TASP1: variants seen among roughly 807,000 people sequenced by gnomAD.
The protein encoded by TASP1 is threonine aspartase 1.
A neutral mutation model predicts 56.6 loss-of-function variants in TASP1; 16 were observed. That is an observed-to-expected ratio of 0.28 (90% CI 0.19 to 0.43). The LOEUF is 0.43. TASP1 is among the 20% of genes least tolerant of loss of function. The pLI, the probability that TASP1 is intolerant of heterozygous loss-of-function variation, is 1.00. For synonymous variants in TASP1, 179 were observed against 184.2 expected (o/e 0.97, Z 0.23); for missense variants, 393 against 511.6 (o/e 0.77, Z 2.24).
the TASP1 span, among the ~76,000 whole-genome samples, chr20:13,221,563 C>G: frequency 2.1e-5 from 3 of 143,220 alleles, no homozygotes; most frequent in East Asian, 6.6e-4. Context: ...GCGGCGGCGG[C>G]GGCGGCGGCG....
chr20:13,516,360 G>A (rs1048943153), intron 10 of TASP1, among the ~76,000 whole-genome samples: 8 of 151,620 alleles, frequency 5.3e-5, no homozygotes, highest in African/African-American at 1.9e-4. Flanking sequence ...GTGTGCCAGA[G>A]GGCACACACA....
At chr20:13,395,846 C>T (rs573115845) in intron 13 of TASP1, among the ~76,000 whole-genome samples, 2 of 151,924 alleles carry the variant, frequency 1.3e-5, no homozygotes, top group East Asian at 1.9e-4. Context: ...GGACTATAGG[C>T]GCGTGCCACT....
the TASP1 span, among the ~76,000 whole-genome samples, chr20:13,202,751 G>A: frequency 1.3e-5 from 2 of 152,190 alleles, no homozygotes; most frequent in African/African-American, 4.8e-5. Flanking sequence ...ACGGAAGTGA[G>A]GTACGGAAAC....
chr20:13,461,259 C>A (rs879606508), intron 11 of TASP1, among the ~76,000 whole-genome samples: 2 of 152,210 alleles, frequency 1.3e-5, no homozygotes, highest in Non-Finnish European at 2.9e-5. Flanking sequence ...TTCTCTCCTG[C>A]ATTTTCTATC....
At chr20:13,165,741 T>A in the TASP1 span, 1 of 152,174 alleles carries the variant, frequency 6.6e-6, no homozygotes, top group Non-Finnish European at 1.5e-5. Context: ...GAATTTTGAG[T>A]AAATGGTGAA....
chr20:13,228,094 T>C, the TASP1 span, among the ~76,000 whole-genome samples: 2 of 150,982 alleles, frequency 1.3e-5, no homozygotes, highest in Admixed American at 1.3e-4. Context: ...TGCCTCAGCC[T>C]CCCAAATAGC....
intron 12 of TASP1, among the ~76,000 whole-genome samples, chr20:13,425,363 C>T (rs1229155478): frequency 6.6e-6 from 1 of 152,156 alleles, no homozygotes. Flanking sequence ...CATTTCCTTA[C>T]CAGGTTGCAA....
chr20:13,226,051 A>T, the TASP1 span, among the ~76,000 whole-genome samples: 3 of 152,204 alleles, frequency 2.0e-5, no homozygotes, highest in African/African-American at 7.2e-5. Flanking sequence ...TTTAGTAGTA[A>T]GTCAGAACTC....
At chr20:13,173,491 A>G in the TASP1 span, among the ~76,000 whole-genome samples, 1 of 152,134 alleles carries the variant, frequency 6.6e-6, no homozygotes, top group South Asian at 2.1e-4. Context: ...TTCTGTTCAC[A>G]GTGTACAAGG....
chr20:13,406,814 C>T (rs1440001592), intron 13 of TASP1, among the ~76,000 whole-genome samples: 1 of 151,762 alleles, frequency 6.6e-6, no homozygotes, highest in Non-Finnish European at 1.5e-5. Flanking sequence ...CTACAGGCGC[C>T]CGCCACCATG....
At position 13,432,701 on chromosome 20, in the gene TASP1, G is replaced by A. The variant is rs551138991; in HGVS notation, c.1096+2343C>T. Among the ~76,000 whole-genome samples the A allele has an allele frequency of 2.0e-4, 31 of 152,186 alleles. 3 individuals are homozygous for A. The highest frequency in any genetic ancestry group is 7.2e-4 in the African/African-American group (30 of 41,518). ...TGCTTCCTCTTGAAATAAAGAGTAG[G>A]AACCAGTTTATAAATCACTACATTG... On this transcript the variant is annotated intron_variant, in intron 12 of 13. Transcript: ENST00000337743.
chr20:13,420,069 C>T (rs945262813), intron 12 of TASP1, among the ~76,000 whole-genome samples: 2 of 152,170 alleles, frequency 1.3e-5, no homozygotes, highest in Non-Finnish European at 2.9e-5. Context: ...TCTAAAATTG[C>T]ACCTTTTCCT....
the TASP1 span, among the ~76,000 whole-genome samples, chr20:13,307,523 G>A: frequency 6.6e-6 from 1 of 152,110 alleles, no homozygotes; most frequent in South Asian, 2.1e-4. Context: ...GAATTTCTTT[G>A]TATGTAAATT....
rs972681494 is a variant in TASP1, at chr20:13,506,354, A to T, written c.874+22079T>A. On this transcript the variant is annotated intron_variant, in intron 10 of 13. Coordinates refer to ENST00000337743, the MANE Select transcript of TASP1 (RefSeq NM_017714.3). ...ATAACAATCCTTCTCAACTCTTTCA[A>T]AAAACCAAGTAAGAGGGAATATTTC... 1.2e-4 allele frequency among the ~76,000 whole-genome samples: 19 copies of T among 152,214 alleles called. 1 individual carries two copies. Among genetic ancestry groups the T allele is most frequent in the African/African-American group, 4.6e-4 (19 of 41,466 alleles).
chr20:13,431,579 G>T (rs1242706199), intron 12 of TASP1, among the ~76,000 whole-genome samples: 1 of 152,104 alleles, frequency 6.6e-6, no homozygotes, highest in Non-Finnish European at 1.5e-5. Context: ...TAACAACAAT[G>T]GTATTGTTGA....
At chr20:13,248,331 T>C in the TASP1 span, among the ~76,000 whole-genome samples, 1 of 152,190 alleles carries the variant, frequency 6.6e-6, no homozygotes, top group Non-Finnish European at 1.5e-5. Flanking sequence ...TGCTGGTGTG[T>C]GAACTGTCTT....
the TASP1 span, among the ~76,000 whole-genome samples, chr20:13,274,101 A>G: frequency 6.6e-6 from 1 of 151,898 alleles, no homozygotes; most frequent in African/African-American, 2.4e-5. Context: ...GCATGCACAC[A>G]AACACACCCA....
At chr20:13,200,074 C>CA in the TASP1 span, among the ~76,000 whole-genome samples, 5 of 152,024 alleles carry the variant, frequency 3.3e-5, no homozygotes, top group East Asian at 1.9e-4. Context: ...TTTCCCAAAA[C>CA]AAAAAAATAG....
chr20:13,508,383 T>C (rs1224752577), intron 10 of TASP1, among the ~76,000 whole-genome samples: 1 of 152,112 alleles, frequency 6.6e-6, no homozygotes, highest in African/African-American at 2.4e-5. Context: ...ATCTAAAAGC[T>C]GAAATGCTCC....
Sources: gnomAD v4.1 joint callset for allele counts (sites outside exome capture counted in the v4.1 genomes callset) on GRCh38, gnomAD v4.1.1 for gene constraint, MANE v1.5 for transcripts, NCBI Gene and HGNC (gene_info 2026-07-23, HGNC 2026-07-21) for gene names.